KCNS3: variants seen among roughly 807,000 people sequenced by gnomAD.
KCNS3 encodes the protein delayed-rectifier potassium channel regulatory subunit KCNS3.
KCNS3 carries 13 observed loss-of-function variants against 31.0 expected under a neutral mutation model. The observed-to-expected ratio is 0.42, with a 90% CI of 0.27 to 0.67. The LOEUF is 0.67. Ranked by LOEUF, KCNS3 falls within the 30% of genes least tolerant of loss-of-function variation. KCNS3 has a pLI of 0.25. For missense variants in KCNS3, 545 were observed against 622.4 expected (o/e 0.88, Z 1.32); for synonymous variants, 238 against 241.5 (o/e 0.99, Z 0.13).
chr2:17,931,319 A>C lies in KCNS3; in HGVS notation c.311A>C (p.Glu104Ala). The change falls in exon 3 of 3, where the codon GAG (glutamate) becomes GCG (alanine). Residue 104 changes from glutamate to alanine, a missense_variant. By Grantham distance (107) the Glu-to-Ala change is moderately radical. Transcript: ENST00000304101. The surrounding 1 kb of genome is among the most constrained non-coding windows in gnomAD (Gnocchi z 5.4). ...LCVFSFCQEI[E>A]YWGINELFID... ...GTATTCTCATTCTGCCAGGAGATCG[A>C]GTACTGGGGCATCAACGAGCTCTTC... is the stretch of plus-strand genomic sequence containing the variant. The C allele has an allele frequency of 6.2e-7, 1 of 1,614,170 alleles. No individual in the cohort carries two copies. The highest frequency in any genetic ancestry group is 1.1e-5 in the South Asian group (1 of 91,088).
intron 1 of KCNS3, among the ~76,000 whole-genome samples, chr2:17,884,009 A>G (rs1674701581): frequency 1.3e-5 from 2 of 150,180 alleles, no homozygotes; most frequent in African/African-American, 4.9e-5. Context: ...CGCAAGGACA[A>G]AAAACCAAAC....
chr2:17,877,882 C>A (rs1367649716), upstream of KCNS3: 3 of 152,306 alleles, frequency 2.0e-5, no homozygotes, highest in African/African-American at 7.2e-5. Flanking sequence ...CTGGACCACA[C>A]GCTGTCCTCG....
chr2:17,879,585 G>T (rs1674592441), intron 1 of KCNS3: 1 of 152,162 alleles, frequency 6.6e-6, no homozygotes, highest in Non-Finnish European at 1.5e-5. Context: ...ACCTCCTGAG[G>T]CACCTTGGCT....
At chr2:17,899,189 G>A (rs933101520) in intron 1 of KCNS3, among the ~76,000 whole-genome samples, 1 of 152,046 alleles carries the variant, frequency 6.6e-6, no homozygotes, top group African/African-American at 2.4e-5. Flanking sequence ...TCCCACCACT[G>A]CACTCCAGCC....
In KCNS3 at chr2:17,888,629, GTATATATATATATATATATATATA is replaced by G. The variant is rs70964021; in HGVS notation, c.-252+9844_-252+9867del. 1.9e-3 allele frequency among the ~76,000 whole-genome samples: 174 copies of G among 92,372 alleles called. 2 individuals carry two copies. Among genetic ancestry groups the G allele is most frequent in the African/African-American group, 6.5e-3 (144 of 22,248 alleles). The allele number at this position is 92,372 out of a possible 152,430, so 60.6% of individuals were successfully genotyped here. On this transcript the variant is annotated intron_variant, in intron 1 of 2. Transcript: ENST00000304101. ...GAACTTAAAGTATAATAAAAAAAAT[GTATATATATATATATATATATATA>G]TATATATATATATATATATAAAGAA...
At chr2:17,888,476 G>A (rs181679991) in intron 1 of KCNS3, among the ~76,000 whole-genome samples, 251 of 151,282 alleles carry the variant, frequency 1.7e-3, no homozygotes, top group African/African-American at 5.8e-3. Context: ...GGTGTGGAGT[G>A]GGGGGAGAGG....
chr2:17,899,762 G>A (rs774102714), intron 1 of KCNS3, among the ~76,000 whole-genome samples: 14 of 152,172 alleles, frequency 9.2e-5, no homozygotes, highest in Non-Finnish European at 1.5e-4. Flanking sequence ...AAAGAAGACT[G>A]AACATACATA....
intron 2 of KCNS3, among the ~76,000 whole-genome samples, chr2:17,921,915 G>GTGTATATATATATA (rs375189924): frequency 1.5e-4 from 5 of 32,802 alleles, no homozygotes; most frequent in Admixed American, 4.4e-4. Context: ...GTGTGTGTGT[G>GTGTATATATATATA]TATATATATA....
chr2:17,930,761 AGT>A (rs1662941915), intron 2 of KCNS3, among the ~76,000 whole-genome samples, 187 bp from the exon 3 acceptor site: 1 of 152,204 alleles, frequency 6.6e-6, no homozygotes, highest in South Asian at 2.1e-4. Flanking sequence ...CAAAATCCTA[AGT>A]TTTTTTGGGA....
chr2:17,930,452 C>T (rs567395777), intron 2 of KCNS3, among the ~76,000 whole-genome samples: 1 of 152,268 alleles, frequency 6.6e-6, no homozygotes, highest in South Asian at 2.1e-4. Context: ...AAGAGCTGAG[C>T]TGAGCCCCCT....
At chr2:17,900,478 G>A (rs1386963360) in intron 1 of KCNS3, among the ~76,000 whole-genome samples, 3 of 151,804 alleles carry the variant, frequency 2.0e-5, no homozygotes, top group South Asian at 2.1e-4. Context: ...GAGCATTTTC[G>A]GAGATTTTCA....
intron 1 of KCNS3, among the ~76,000 whole-genome samples, chr2:17,916,367 G>T (rs1662586135): frequency 6.6e-6 from 1 of 152,108 alleles, no homozygotes; most frequent in South Asian, 2.1e-4. Flanking sequence ...GAAGGAGGAG[G>T]AGGAAGGGGA....
intron 1 of KCNS3, among the ~76,000 whole-genome samples, chr2:17,907,285 T>C (rs1181655755): frequency 6.6e-6 from 1 of 152,238 alleles, no homozygotes; most frequent in Non-Finnish European, 1.5e-5. Flanking sequence ...TTGCAACCAC[T>C]GGTTTCTTTT....
chr2:17,903,595 T>TA (rs1219987958), intron 1 of KCNS3, among the ~76,000 whole-genome samples: 6 of 152,104 alleles, frequency 3.9e-5, no homozygotes, highest in African/African-American at 1.4e-4. Context: ...CTCCTAATGC[T>TA]TTCCTTCCCC....
At chr2:17,907,242 T>C (rs1333939742) in intron 1 of KCNS3, among the ~76,000 whole-genome samples, 1 of 152,220 alleles carries the variant, frequency 6.6e-6, no homozygotes, top group Non-Finnish European at 1.5e-5. Context: ...TTGATCTTTG[T>C]TGGTTTAAAG....
chr2:17,927,351 T>C (rs1037599132), intron 2 of KCNS3, among the ~76,000 whole-genome samples: 2 of 152,196 alleles, frequency 1.3e-5, no homozygotes, highest in Non-Finnish European at 2.9e-5. Flanking sequence ...TCCAAACTGT[T>C]CCAGCCTCTG....
At chr2:17,888,500 T>A (rs902551600) in intron 1 of KCNS3, among the ~76,000 whole-genome samples, 2 of 151,254 alleles carry the variant, frequency 1.3e-5, no homozygotes, top group East Asian at 3.9e-4. Context: ...GGGATAGCAT[T>A]AGGAGATATA....
At chr2:17,907,680 G>C (rs1662362724) in intron 1 of KCNS3, among the ~76,000 whole-genome samples, 1 of 152,096 alleles carries the variant, frequency 6.6e-6, no homozygotes, top group Non-Finnish European at 1.5e-5. Context: ...CTCAGCATTT[G>C]CTTGTCTGTA....
intron 1 of KCNS3, among the ~76,000 whole-genome samples, chr2:17,887,480 A>G (rs192710678): frequency 2.0e-4 from 19 of 94,326 alleles, no homozygotes; most frequent in Admixed American, 2.0e-3. Flanking sequence ...GTATTCTATC[A>G]TATGATCTAT....
Sources: allele counts gnomAD v4.1 joint callset (sites outside exome capture counted in the v4.1 genomes callset), GRCh38; gene constraint gnomAD v4.1.1; non-coding constraint Gnocchi (gnomAD v3.1); transcripts MANE v1.5; gene names NCBI Gene and HGNC (gene_info 2026-07-23, HGNC 2026-07-21).